Variants in RIMKLB observed in about 807,000 individuals in gnomAD.
RIMKLB encodes beta-citrylglutamate synthase B.
RIMKLB carries 7 observed loss-of-function variants against 32.0 expected under a neutral mutation model. That is an observed-to-expected ratio of 0.22 (90% CI 0.12 to 0.41). The LOEUF (loss-of-function observed/expected upper bound fraction) is 0.41. Ranked by LOEUF, RIMKLB falls within the 10% of genes least tolerant of loss-of-function variation. The probability of loss-of-function intolerance (pLI) is 1.00; values close to 1 mark genes in which losing one functional copy is unlikely to be tolerated. For synonymous variants in RIMKLB, 172 were observed against 185.1 expected, an observed-to-expected ratio of 0.93 and a Z score of 0.57; for missense variants, 289 against 498.7, an observed-to-expected ratio of 0.58 and a Z score of 4.00.
chr12:8,776,243 T>C lies in RIMKLB; in HGVS notation c.*2459T>C, dbSNP rs777295816. ...AGTTCATTAGCTTTATTCACTATTA[T>C]GCATTCACATGATATTAAAACGTAC... On this transcript the variant is annotated 3_prime_UTR_variant, in exon 6 of 6. Coordinates refer to ENST00000535829, the MANE Select transcript of RIMKLB (RefSeq NM_001297776.2). 5.4e-5 allele frequency: 53 copies of C among 978,478 alleles called. No individual in the cohort carries two copies. In the African/African-American group the frequency reaches 5.8e-4, roughly 11 times the overall value. 60.6% of individuals were successfully genotyped at this position (978,478 alleles called of 1,614,324 possible).
intron 4 of RIMKLB, among the ~76,000 whole-genome samples, chr12:8,752,459 A>G (rs1326675846): frequency 1.3e-5 from 2 of 151,922 alleles, no homozygotes; most frequent in African/African-American, 4.8e-5. Flanking sequence ...GGCTGAGGGA[A>G]GAGAATTGCT....
chr12:8,698,715 C>CCGCCGCCCTTCA (rs11275581), intron 1 of RIMKLB, among the ~76,000 whole-genome samples: 1 of 151,412 alleles, frequency 6.6e-6, no homozygotes. Context: ...CCTCCCCCCC[C>CCGCCGCCCTTCA]TTCCCACAAA....
intron 1 of RIMKLB, among the ~76,000 whole-genome samples, chr12:8,698,674 G>A (rs1199644292): frequency 6.6e-6 from 1 of 152,042 alleles, no homozygotes. Flanking sequence ...GCGGGCTGCT[G>A]ACCTGTCCTC....
chr12:8,772,841 G>A (rs1162990442), intron 5 of RIMKLB, among the ~76,000 whole-genome samples: 1 of 152,184 alleles, frequency 6.6e-6, no homozygotes, highest in African/African-American at 2.4e-5. Flanking sequence ...CTTATATCCA[G>A]CCAGCTACCT....
intron 2 of RIMKLB, among the ~76,000 whole-genome samples, chr12:8,746,774 T>A (rs761160054): frequency 6.6e-6 from 1 of 152,042 alleles, no homozygotes; most frequent in African/African-American, 2.4e-5. Flanking sequence ...TTTTTTCCCT[T>A]TTAGGGTCAG....
At chr12:8,777,424 C>T (rs1481436515), downstream of RIMKLB, 6 of 984,828 alleles carry the variant, frequency 6.1e-6, no homozygotes, top group Non-Finnish European at 7.2e-6. Context: ...TTCCTTTATA[C>T]CAATGCCATT....
chr12:8,753,231 G>T (rs988016500), intron 4 of RIMKLB, among the ~76,000 whole-genome samples: 1 of 152,142 alleles, frequency 6.6e-6, no homozygotes, highest in East Asian at 1.9e-4. Flanking sequence ...AGTGAACAAA[G>T]AATCTGTATG....
In RIMKLB at chr12:8,686,235, G is replaced by A. The variant is rs147449822; in HGVS notation, n.219+4417G>A. 2.6e-4 allele frequency among the ~76,000 whole-genome samples: 40 copies of A among 152,018 alleles called. No homozygotes were observed. In the East Asian group the frequency reaches 7.6e-3, roughly 29 times the overall value. On this transcript the variant is annotated intron_variant and non_coding_transcript_variant, in intron 1 of 1. Transcript: ENST00000538758. ...ATAGTGCTGGGATTACATTACAGGT[G>A]TGAGCCACCGAGCCCTCTCCCCCTT...
At chr12:8,696,736 A>G (rs1404566301), upstream of RIMKLB, among the ~76,000 whole-genome samples, 1 of 152,212 alleles carries the variant, frequency 6.6e-6, no homozygotes, top group Non-Finnish European at 1.5e-5. Context: ...GAGACGCTGA[A>G]GGAAATTAGT....
chr12:8,776,118 A>ATGTT lies in RIMKLB; in HGVS notation c.*2338_*2341dup. On this transcript the variant is annotated 3_prime_UTR_variant, in exon 6 of 6. Coordinates refer to ENST00000535829, the MANE Select transcript of RIMKLB (RefSeq NM_001297776.2). ...GTTACATATCACAAGTATGTAGTTC[A>ATGTT]TGTTTGTGTTGGTGGGGTAAGGCAT... 2 of 985,196 alleles carry ATGTT rather than the reference A, an allele frequency of 2.0e-6. No homozygotes were observed. Among genetic ancestry groups the ATGTT allele is most frequent in the Non-Finnish European group, 2.4e-6 (2 of 829,716 alleles). 61.0% of individuals were successfully genotyped at this position (985,196 alleles called of 1,614,324 possible).
chr12:8,778,841 A>T (rs1393837103), downstream of RIMKLB, among the ~76,000 whole-genome samples: 1 of 152,246 alleles, frequency 6.6e-6, no homozygotes, highest in African/African-American at 2.4e-5. Flanking sequence ...AAGAGGCTGT[A>T]CATCCAGCAA....
At chr12:8,704,122 G>A (rs1314340353) in intron 1 of RIMKLB, among the ~76,000 whole-genome samples, 7 of 152,152 alleles carry the variant, frequency 4.6e-5, no homozygotes, top group African/African-American at 1.2e-4. Flanking sequence ...GGTGGCTCAC[G>A]CCTGTAATCC....
intron 2 of RIMKLB, among the ~76,000 whole-genome samples, chr12:8,745,152 G>A (rs925316168): frequency 8.6e-5 from 13 of 151,778 alleles, no homozygotes; most frequent in Non-Finnish European, 1.6e-4. Context: ...GTTTTGCCAT[G>A]TTGGCCAACT....
At chr12:8,761,918 G>T (rs1949558057) in intron 5 of RIMKLB, among the ~76,000 whole-genome samples, 1 of 152,168 alleles carries the variant, frequency 6.6e-6, no homozygotes, top group Non-Finnish European at 1.5e-5. Context: ...CGGTCCAGGG[G>T]TCTGCGGTAG....
the RIMKLB span, among the ~76,000 whole-genome samples, chr12:8,669,799 G>A: frequency 1.6e-4 from 24 of 151,874 alleles, no homozygotes; most frequent in African/African-American, 4.1e-4. Context: ...AGGCCGAGGC[G>A]GGCGGATCAC....
the RIMKLB span, among the ~76,000 whole-genome samples, chr12:8,670,309 C>T: frequency 2.0e-5 from 3 of 152,266 alleles, no homozygotes; most frequent in African/African-American, 4.8e-5. Flanking sequence ...AAGTCCCTTC[C>T]ACCTATGAGC....
At chr12:8,701,890 A>G (rs1461212122) in intron 1 of RIMKLB, among the ~76,000 whole-genome samples, 2 of 151,240 alleles carry the variant, frequency 1.3e-5, no homozygotes. Context: ...CTGTAATCTC[A>G]GCTACTCGGG....
chr12:8,733,356 A>G (rs1197192232), intron 2 of RIMKLB, among the ~76,000 whole-genome samples: 1 of 152,104 alleles, frequency 6.6e-6, no homozygotes, highest in African/African-American at 2.4e-5. Flanking sequence ...TCATTGCCAC[A>G]TCTTAACTCA....
downstream of RIMKLB, among the ~76,000 whole-genome samples, chr12:8,777,975 A>G (rs1044694564): frequency 6.6e-6 from 1 of 152,234 alleles, no homozygotes; most frequent in Non-Finnish European, 1.5e-5. Flanking sequence ...TTTTGGGGGT[A>G]AAGTTTGACT....
Sources: gnomAD v4.1 joint callset for allele counts (sites outside exome capture counted in the v4.1 genomes callset) on GRCh38, gnomAD v4.1.1 for gene constraint, MANE v1.5 for transcripts, NCBI Gene and HGNC (gene_info 2026-07-23, HGNC 2026-07-21) for gene names.